RBFOX1: variants seen among roughly 807,000 people sequenced by gnomAD.
RBFOX1 encodes RNA binding fox-1 homolog 1.
In RBFOX1, 8 loss-of-function variants were observed where a neutral mutation model predicts 57.7. The ratio of observed to expected loss-of-function variants is 0.14; its 90% CI spans 0.08 to 0.25. RBFOX1 has a LOEUF of 0.25. RBFOX1 is among the 10% of genes least tolerant of loss of function. The pLI, the probability that RBFOX1 is intolerant of heterozygous loss-of-function variation, is 1.00. For synonymous variants in RBFOX1, 326 were observed against 222.4 expected, an observed-to-expected ratio of 1.47 and a Z score of -4.15; for missense variants, 611 against 548.5, an observed-to-expected ratio of 1.11 and a Z score of -1.14.
intron 3 of RBFOX1, among the ~76,000 whole-genome samples, chr16:6,779,957 A>G (rs1406656558): frequency 1.4e-5 from 1 of 70,608 alleles, no homozygotes; most frequent in Admixed American, 2.6e-4. Flanking sequence ...TTATATATTT[A>G]TATATTTATA....
intron 3 of RBFOX1, among the ~76,000 whole-genome samples, chr16:6,860,946 G>A (rs2058881960): frequency 6.6e-6 from 1 of 151,766 alleles, no homozygotes. Context: ...TATTCTCTTG[G>A]GGTCTATGCA....
intron 1 of RBFOX1, among the ~76,000 whole-genome samples, chr16:6,280,786 A>G (rs1309760663): frequency 6.6e-6 from 1 of 152,104 alleles, no homozygotes; most frequent in Non-Finnish European, 1.5e-5. Context: ...TCACAGCTAC[A>G]CTGAACAGGG....
intron 4 of RBFOX1, among the ~76,000 whole-genome samples, chr16:7,165,233 C>T (rs76170857): frequency 0.031 from 4,670 of 151,868 alleles, 81 homozygotes; most frequent in Middle Eastern, 0.058. Flanking sequence ...GACATGCAGT[C>T]GTGAGGTTGT....
intron 1 of RBFOX1, among the ~76,000 whole-genome samples, chr16:6,115,285 G>C (rs2096486363): frequency 6.6e-6 from 1 of 152,134 alleles, no homozygotes; most frequent in African/African-American, 2.4e-5. Context: ...TAAACTTTAA[G>C]TTTTAGGATT....
intron 4 of RBFOX1, among the ~76,000 whole-genome samples, chr16:7,299,128 C>G (rs556514709): frequency 1.4e-4 from 22 of 152,296 alleles, no homozygotes; most frequent in Middle Eastern, 3.4e-3. Context: ...TTAATATCAT[C>G]TCCAGGACTG....
intron 2 of RBFOX1, among the ~76,000 whole-genome samples, chr16:6,485,550 C>T (rs977756087): frequency 1.3e-5 from 2 of 152,076 alleles, no homozygotes; most frequent in Non-Finnish European, 1.5e-5. Context: ...TTCTTTCTTT[C>T]TTTCAGGAAT....
At chr16:6,146,803 G>A (rs373869824) in intron 1 of RBFOX1, among the ~76,000 whole-genome samples, 12 of 152,146 alleles carry the variant, frequency 7.9e-5, no homozygotes, top group African/African-American at 2.4e-4. Flanking sequence ...CATCGTCTAA[G>A]TACTGTTTTG....
chr16:6,645,831 G>A (rs1387810265), intron 2 of RBFOX1, among the ~76,000 whole-genome samples: 3 of 152,142 alleles, frequency 2.0e-5, no homozygotes, highest in Admixed American at 1.3e-4. Context: ...AGGCAACCAT[G>A]ATTGTTAATA....
chr16:6,080,824 C>T (rs1198352875), intron 1 of RBFOX1, among the ~76,000 whole-genome samples: 3 of 152,230 alleles, frequency 2.0e-5, no homozygotes, highest in African/African-American at 7.2e-5. Context: ...GCCACATTTT[C>T]AGTGCCCTTT....
intron 1 of RBFOX1, among the ~76,000 whole-genome samples, chr16:6,143,601 G>T (rs1029288034): frequency 1.3e-5 from 2 of 152,080 alleles, no homozygotes; most frequent in African/African-American, 4.8e-5. Flanking sequence ...GTTCTCTCTT[G>T]GAGGATGATA....
At chr16:7,677,471 A>G (rs1024517246) in intron 14 of RBFOX1, among the ~76,000 whole-genome samples, 3 of 152,092 alleles carry the variant, frequency 2.0e-5, no homozygotes, top group African/African-American at 7.2e-5. Context: ...GAAGGAACAC[A>G]GTGTGTTTGA....
intron 4 of RBFOX1, among the ~76,000 whole-genome samples, chr16:5,889,010 T>G (rs2057974868): frequency 6.6e-6 from 1 of 152,034 alleles, no homozygotes; most frequent in Non-Finnish European, 1.5e-5. Context: ...TTGGTCAAGA[T>G]TTGGCCAAAT....
chr16:6,905,314 G>C (rs149009926), intron 3 of RBFOX1, among the ~76,000 whole-genome samples: 12 of 152,014 alleles, frequency 7.9e-5, no homozygotes, highest in Non-Finnish European at 1.6e-4. Flanking sequence ...AGAACTTTGG[G>C]AGGCAGAGGC....
chr16:5,883,165 T>A lies in RBFOX1; in HGVS notation c.351+15830T>A, dbSNP rs145985452. Among the ~76,000 whole-genome samples the A allele has an allele frequency of 4.7e-3, 715 of 152,268 alleles. 4 individuals are homozygous for A. Among genetic ancestry groups the A allele is most frequent in the African/African-American group, 0.016 (683 of 41,546 alleles). On this transcript the variant is annotated intron_variant, in intron 4 of 19. Transcript: ENST00000641259. ...ATTCTTAGATATCAGGGGTTATACA[T>A]CTCAGCTTCACTTTAATAATAATTT...
At chr16:5,366,815 T>C (rs1213255516) in intron 1 of RBFOX1, 1 of 247,530 alleles carries the variant, frequency 4.0e-6, no homozygotes, top group African/African-American at 2.3e-5. Flanking sequence ...ATAAATGTTG[T>C]CCAGGTTTCA....
intron 3 of RBFOX1, among the ~76,000 whole-genome samples, chr16:6,850,048 C>T (rs1385646300): frequency 1.3e-5 from 2 of 152,144 alleles, no homozygotes; most frequent in Non-Finnish European, 2.9e-5. Context: ...CCATGTACTC[C>T]TTTGTGCATA....
chr16:6,584,340 CATTATTATTATTATT>C (rs3045200), intron 2 of RBFOX1, among the ~76,000 whole-genome samples: 82 of 136,786 alleles, frequency 6.0e-4, no homozygotes, highest in Middle Eastern at 7.4e-3. Flanking sequence ...GTTTTATTTT[CATTATTATTATTATT>C]ATTATTATTA....
At chr16:5,293,430 T>C (rs780977078) in intron 1 of RBFOX1, among the ~76,000 whole-genome samples, 2 of 152,186 alleles carry the variant, frequency 1.3e-5, no homozygotes, top group Non-Finnish European at 2.9e-5. Flanking sequence ...TTATTTCATC[T>C]GCACCCAACC....
chr16:6,744,838 G>C (rs535936890), intron 3 of RBFOX1, among the ~76,000 whole-genome samples: 2 of 152,028 alleles, frequency 1.3e-5, no homozygotes, highest in African/African-American at 4.8e-5. Context: ...TAAAGATCAG[G>C]GTTGAAATCA....
Sources: allele counts gnomAD v4.1 joint callset (sites outside exome capture counted in the v4.1 genomes callset), GRCh38; gene constraint gnomAD v4.1.1; transcripts MANE v1.5; gene names NCBI Gene and HGNC (gene_info 2026-07-23, HGNC 2026-07-21).